VPS13A: variants seen among roughly 807,000 people sequenced by gnomAD.
VPS13A encodes the protein vacuolar protein sorting 13 homolog A, also known as intermembrane lipid transfer protein VPS13A.
In VPS13A, 264 loss-of-function variants were observed where a neutral mutation model predicts 390.9. The ratio of observed to expected loss-of-function variants is 0.68; its 90% CI spans 0.61 to 0.75. The LOEUF (loss-of-function observed/expected upper bound fraction) is 0.75, where lower values mean the gene tolerates loss of function less well. Ranked by LOEUF, VPS13A falls within the 30% of genes least tolerant of loss-of-function variation. VPS13A has a pLI of 0.00. For synonymous variants in VPS13A, 1,231 were observed against 1,227.1 expected, an observed-to-expected ratio of 1.00 and a Z score of -0.07; for missense variants, 3,409 against 3,733.9, an observed-to-expected ratio of 0.91 and a Z score of 2.27.
At chr9:77,358,990 G>T (rs536790230) in intron 57 of VPS13A, among the ~76,000 whole-genome samples, 31 of 151,886 alleles carry the variant, frequency 2.0e-4, no homozygotes, top group Non-Finnish European at 4.1e-4. Context: ...TTTATAACTC[G>T]CTCAGAAGCT....
In VPS13A at chr9:77,418,429, A is replaced by C. The variant is rs181301245; in HGVS notation, c.*2423A>C. 6.6e-6 allele frequency: 1 copy of C among 152,324 alleles called. No homozygotes were observed. The highest frequency in any genetic ancestry group is 1.5e-5 in the Non-Finnish European group (1 of 68,038). The allele number at this position is 152,324 out of a possible 1,614,324, so 9.4% of individuals were successfully genotyped here. On this transcript the variant is annotated 3_prime_UTR_variant, in exon 72 of 72. Transcript: ENST00000360280. ...CAGAAAATCATAATCAGAAAGAGTG[A>C]CTTTGATTTCTGGTACTTGTGATCA...
At chr9:77,407,018 CTCTT>C (rs1248309504) in intron 70 of VPS13A, among the ~76,000 whole-genome samples, 2 of 151,578 alleles carry the variant, frequency 1.3e-5, no homozygotes, top group Non-Finnish European at 2.9e-5. Flanking sequence ...AACCTGATCT[CTCTT>C]TGATTCTAAA....
intron 58 of VPS13A, 74 bp downstream of exon 58, chr9:77,359,476 AAAT>A: frequency 7.8e-7 from 1 of 1,283,196 alleles, no homozygotes; most frequent in Non-Finnish European, 1.1e-6. Context: ...TGTACTCTTT[AAAT>A]GTTGGACAAG....
intron 23 of VPS13A, among the ~76,000 whole-genome samples, chr9:77,267,461 T>TGC (rs1200628723): frequency 1.3e-5 from 2 of 152,218 alleles, no homozygotes; most frequent in African/African-American, 2.4e-5. Flanking sequence ...GGAGGTCCAC[T>TGC]GCAGACCCTG....
chr9:77,351,881 A>G (rs963706760), intron 53 of VPS13A, among the ~76,000 whole-genome samples: 1 of 152,176 alleles, frequency 6.6e-6, no homozygotes, highest in Non-Finnish European at 1.5e-5. Flanking sequence ...AAAAACAAAC[A>G]AAAAACAACA....
At chr9:77,271,285 A>C (rs1826339787) in intron 23 of VPS13A, among the ~76,000 whole-genome samples, 1 of 152,236 alleles carries the variant, frequency 6.6e-6, no homozygotes, top group African/African-American at 2.4e-5. Flanking sequence ...ATGGCTAAAA[A>C]TAAGAAGAAT....
At chr9:77,190,181 G>T (rs1564618017) in intron 1 of VPS13A, among the ~76,000 whole-genome samples, 1 of 152,090 alleles carries the variant, frequency 6.6e-6, no homozygotes, top group Non-Finnish European at 1.5e-5. Flanking sequence ...TGGTTCTCAA[G>T]GGGAATACTT....
intron 31 of VPS13A, among the ~76,000 whole-genome samples, chr9:77,292,151 A>C (rs557809677): frequency 4.1e-4 from 62 of 152,086 alleles, no homozygotes; most frequent in Non-Finnish European, 7.8e-4. Flanking sequence ...GGGTCATACC[A>C]AGGAAAGCCT....
chr9:77,237,374 TA>T (rs1180105063), intron 17 of VPS13A, among the ~76,000 whole-genome samples: 2 of 152,084 alleles, frequency 1.3e-5, no homozygotes, highest in Non-Finnish European at 2.9e-5. Flanking sequence ...TAAATTGTTT[TA>T]TTTTTTTGAG....
intron 33 of VPS13A, among the ~76,000 whole-genome samples, chr9:77,300,073 C>T (rs548150920): frequency 6.7e-4 from 102 of 152,150 alleles, no homozygotes; most frequent in Non-Finnish European, 1.1e-3. Context: ...GCACATGTAT[C>T]CCAGAACTAG....
At chr9:77,184,789 A>G (rs551921359) in intron 1 of VPS13A, among the ~76,000 whole-genome samples, 1 of 152,222 alleles carries the variant, frequency 6.6e-6, no homozygotes, top group Non-Finnish European at 1.5e-5. Flanking sequence ...CCATTTGGTC[A>G]TGACGTGTAT....
At chr9:77,371,808 T>A (rs28865348) in intron 67 of VPS13A, among the ~76,000 whole-genome samples, 1 of 40,258 alleles carries the variant, frequency 2.5e-5, no homozygotes, top group Non-Finnish European at 4.6e-5. Context: ...CCCTCCCCCC[T>A]CCCCCCTCCC....
chr9:77,346,457 T>A (rs1390517756), intron 52 of VPS13A, among the ~76,000 whole-genome samples: 2 of 152,226 alleles, frequency 1.3e-5, no homozygotes, highest in African/African-American at 4.8e-5. Context: ...TTGCAAATAT[T>A]TTCTCCCATT....
rs571513274 is a variant in VPS13A, at chr9:77,369,659, G to A, written c.8667+247G>A. On this transcript the variant is annotated intron_variant, in intron 63 of 71. Transcript: ENST00000360280. Reference sequence around the variant, plus strand: ...AGTGTTCTCTTGGAATATAAAAGGTGGATAAAGTAGAAAGAAGATCACCAC... The same window carrying A: ...AGTGTTCTCTTGGAATATAAAAGGTAGATAAAGTAGAAAGAAGATCACCAC... Among the ~76,000 whole-genome samples the A allele has an allele frequency of 5.3e-5, 8 of 152,190 alleles. No individual in the cohort carries two copies. In the South Asian group the frequency reaches 1.5e-3, roughly 28 times the overall value.
intron 14 of VPS13A, 69 bp downstream of exon 14, chr9:77,226,057 A>C: frequency 7.2e-7 from 1 of 1,387,094 alleles, no homozygotes; most frequent in Middle Eastern, 1.8e-4. Flanking sequence ...ATGTGATATT[A>C]TTAATCTTAT....
chr9:77,253,048 G>A (rs1236640335), intron 22 of VPS13A, among the ~76,000 whole-genome samples: 1 of 152,164 alleles, frequency 6.6e-6, no homozygotes, highest in East Asian at 1.9e-4. Flanking sequence ...TTTTAGAGGA[G>A]TGCTGTGCTG....
At chr9:77,312,151 A>AAAATAAT (rs1587553948) in intron 35 of VPS13A, among the ~76,000 whole-genome samples, 1 of 152,180 alleles carries the variant, frequency 6.6e-6, no homozygotes, top group Non-Finnish European at 1.5e-5. Context: ...GACAGTAATA[A>AAAATAAT]AAATAATAGA....
rs867372962 is a variant in VPS13A, at chr9:77,252,481, G to A, written c.2288+129G>A. 1.2e-5 allele frequency: 10 copies of A among 827,380 alleles called. 1 individual carries two copies. In the Middle Eastern group the frequency reaches 2.0e-3, roughly 165 times the overall value. 51.3% of individuals were successfully genotyped at this position (827,380 alleles called of 1,614,324 possible). ...ATATAACTGACTCTTCCTTGTGTGT[G>A]TGGTAAAATGTATATAAAATTTACC... On this transcript the variant is annotated intron_variant, in intron 22 of 71. Coordinates refer to ENST00000360280, the MANE Select transcript of VPS13A (RefSeq NM_033305.3).
intron 1 of VPS13A, among the ~76,000 whole-genome samples, chr9:77,181,764 C>G (rs1198822261): frequency 6.6e-6 from 1 of 152,094 alleles, no homozygotes; most frequent in Non-Finnish European, 1.5e-5. Context: ...AATCAGAATG[C>G]ATTTTTCCCA....
Sources: gnomAD v4.1 joint callset for allele counts (sites outside exome capture counted in the v4.1 genomes callset) on GRCh38, gnomAD v4.1.1 for gene constraint, MANE v1.5 for transcripts, NCBI Gene and HGNC (gene_info 2026-07-23, HGNC 2026-07-21) for gene names.